The following LNPEP variants were observed in gnomAD, a reference collection of about 807,000 sequenced individuals.
The protein encoded by LNPEP is leucyl-cystinyl aminopeptidase.
Under a neutral mutation model 120.6 loss-of-function variants are expected in LNPEP, and 64 were observed. The ratio of observed to expected loss-of-function variants is 0.53; its 90% CI spans 0.43 to 0.65. The LOEUF (loss-of-function observed/expected upper bound fraction) is 0.65. Ranked by LOEUF, LNPEP falls within the 30% of genes least tolerant of loss-of-function variation. The pLI, the probability that LNPEP is intolerant of heterozygous loss-of-function variation, is 0.00. For synonymous variants in LNPEP, 435 were observed against 425.4 expected (o/e 1.02, Z -0.28); for missense variants, 1,057 against 1,200.0 (o/e 0.88, Z 1.76).
At chr5:97,025,151 C>T (rs1192424820) in intron 15 of LNPEP, among the ~76,000 whole-genome samples, 1 of 152,122 alleles carries the variant, frequency 6.6e-6, no homozygotes, top group African/African-American at 2.4e-5. Flanking sequence ...GTAGGAGTGT[C>T]ATATGGATGA....
intron 1 of LNPEP, among the ~76,000 whole-genome samples, chr5:96,941,746 G>A (rs1296133877): frequency 2.0e-5 from 3 of 152,154 alleles, no homozygotes; most frequent in African/African-American, 7.2e-5. Context: ...CTTATCCATT[G>A]TTGTAATTCA....
intron 8 of LNPEP, 132 bp downstream of exon 8, chr5:96,998,277 T>C (rs1345480447): frequency 7.0e-6 from 5 of 716,494 alleles, no homozygotes; most frequent in African/African-American, 3.8e-5. Context: ...AACTATAAAA[T>C]GTTTGCTTCT....
At chr5:96,942,737 G>C (rs1351872034) in intron 1 of LNPEP, among the ~76,000 whole-genome samples, 2 of 127,830 alleles carry the variant, frequency 1.6e-5, no homozygotes, top group Non-Finnish European at 3.3e-5. Flanking sequence ...AGTCGGGGGA[G>C]GGGGGAGGGA....
intron 4 of LNPEP, among the ~76,000 whole-genome samples, chr5:96,990,481 A>C (rs201672360): frequency 6.6e-6 from 1 of 152,230 alleles, no homozygotes; most frequent in African/African-American, 2.4e-5. Context: ...TAGTAACCAC[A>C]AATATTCTGT....
At position 96,979,768 on chromosome 5, in the gene LNPEP, C is replaced by T. The variant is rs750373613; in HGVS notation, c.650C>T (p.Ser217Leu). 1 of 1,613,860 alleles carries T rather than the reference C, an allele frequency of 6.2e-7. No individual in the cohort carries two copies. Among genetic ancestry groups the T allele is most frequent in the Non-Finnish European group, 8.5e-7 (1 of 1,179,910 alleles). The change falls in exon 2 of 18, where the codon TCA becomes TTA. Residue 217 changes from serine (S) to leucine (L), a missense_variant. Transcript: ENST00000231368. The part of the protein sequence containing the change: ...IILHSTGHNI[S>L]RVTFMSAVSS... ...CTTCATAGCACAGGTCATAATATTTCAAGAGTGACCTTTATGTCAGCAGTT... is the reference window on the plus strand; with the variant it reads ...CTTCATAGCACAGGTCATAATATTTTAAGAGTGACCTTTATGTCAGCAGTT...
At chr5:96,942,670 A>T (rs1244635660) in intron 1 of LNPEP, among the ~76,000 whole-genome samples, 7 of 140,736 alleles carry the variant, frequency 5.0e-5, no homozygotes, top group Non-Finnish European at 1.5e-5. Context: ...AAAAAAAAAA[A>T]ATACGAGAAC....
chr5:96,998,829 G>C (rs1271431144), intron 8 of LNPEP, among the ~76,000 whole-genome samples: 2 of 152,150 alleles, frequency 1.3e-5, no homozygotes, highest in Non-Finnish European at 2.9e-5. Context: ...TGTGCTGAGT[G>C]GGACAGAATT....
At chr5:96,989,292 T>G (rs1285418178) in intron 4 of LNPEP, among the ~76,000 whole-genome samples, 8 of 99,598 alleles carry the variant, frequency 8.0e-5, no homozygotes, top group South Asian at 3.2e-4. Flanking sequence ...AATATATAAT[T>G]TATATATAAT....
At chr5:96,967,540 T>C (rs1391207367) in intron 1 of LNPEP, among the ~76,000 whole-genome samples, 1 of 152,082 alleles carries the variant, frequency 6.6e-6, no homozygotes, top group African/African-American at 2.4e-5. Flanking sequence ...ATATAAAAAG[T>C]AGTTCTCAAG....
intron 2 of LNPEP, among the ~76,000 whole-genome samples, chr5:96,980,508 G>A (rs1244215070): frequency 6.6e-6 from 1 of 151,724 alleles, no homozygotes; most frequent in East Asian, 1.9e-4. Flanking sequence ...TTTTTTTTAA[G>A]GTCTAGGAGA....
intron 1 of LNPEP, among the ~76,000 whole-genome samples, chr5:96,952,046 A>T (rs895100018): frequency 1.2e-4 from 19 of 152,250 alleles, no homozygotes; most frequent in African/African-American, 4.1e-4. Context: ...TTTTGTTTGT[A>T]TGAGTTATTT....
chr5:97,013,069 C>G (rs1382765231), intron 11 of LNPEP, among the ~76,000 whole-genome samples: 1 of 152,104 alleles, frequency 6.6e-6, no homozygotes, highest in Non-Finnish European at 1.5e-5. Flanking sequence ...TTTACTTTCT[C>G]CCTCCCTCTT....
intron 1 of LNPEP, among the ~76,000 whole-genome samples, chr5:96,950,545 C>T (rs1016542192): frequency 6.6e-6 from 1 of 152,166 alleles, no homozygotes; most frequent in Non-Finnish European, 1.5e-5. Context: ...GTCAACTGGG[C>T]AAAGCCACTG....
At chr5:97,023,350 T>C (rs1791260520) in intron 14 of LNPEP, among the ~76,000 whole-genome samples, 1 of 151,988 alleles carries the variant, frequency 6.6e-6, no homozygotes, top group Non-Finnish European at 1.5e-5. Flanking sequence ...ACTTCTCGGG[T>C]TCCATTGATT....
chr5:97,006,064 A>ATATATATT lies in LNPEP; in HGVS notation c.1786-8_1786-7insATATATTT. On this transcript the variant is annotated splice_polypyrimidine_tract_variant and intron_variant, in intron 9 of 17. Transcript: ENST00000231368. ...AAAAGTTTTATATATATATATATAT[A>ATATATATT]TTTTGTAGGTCACAAACCAAACACT... The ATATATATT allele has an allele frequency of 8.9e-7, 1 of 1,129,148 alleles. No homozygotes were observed. Among genetic ancestry groups the ATATATATT allele is most frequent in the South Asian group, 1.9e-5 (1 of 51,426 alleles). The allele number at this position is 1,129,148 out of a possible 1,614,324, so 69.9% of individuals were successfully genotyped here.
intron 4 of LNPEP, among the ~76,000 whole-genome samples, chr5:96,988,137 C>T (rs979177368): frequency 6.7e-6 from 1 of 150,332 alleles, no homozygotes; most frequent in African/African-American, 2.4e-5. Flanking sequence ...TTCTTTTCTT[C>T]CTTCCTCTTC....
chr5:96,984,306 A>T (rs1451951654), intron 2 of LNPEP, among the ~76,000 whole-genome samples: 7 of 152,236 alleles, frequency 4.6e-5, no homozygotes, highest in African/African-American at 1.7e-4. Flanking sequence ...ATTTCTCTAA[A>T]GACATAAGTG....
At chr5:97,002,244 A>C (rs1160460989) in intron 8 of LNPEP, among the ~76,000 whole-genome samples, 1 of 152,048 alleles carries the variant, frequency 6.6e-6, no homozygotes, top group Non-Finnish European at 1.5e-5. Context: ...ATTGAGGACA[A>C]CTCTTTTGAG....
chr5:97,022,595 C>A, intron 14 of LNPEP, 111 bp downstream of exon 14: 1 of 877,636 alleles, frequency 1.1e-6, no homozygotes, highest in Non-Finnish European at 1.8e-6. Context: ...AACTGAGTGT[C>A]AGTGTAGGTG....
Sources: gnomAD v4.1 joint callset for allele counts (sites outside exome capture counted in the v4.1 genomes callset) on GRCh38, gnomAD v4.1.1 for gene constraint, MANE v1.5 for transcripts, NCBI Gene and HGNC (gene_info 2026-07-23, HGNC 2026-07-21) for gene names.